The following DISC1 variants were observed in gnomAD, a reference collection of about 807,000 sequenced individuals.
The protein encoded by DISC1 is DISC1 scaffold protein, also known as disrupted in schizophrenia 1 protein.
In DISC1, 57 loss-of-function variants were observed where a neutral mutation model predicts 84.5. The observed-to-expected ratio is 0.67, with a 90% CI of 0.55 to 0.84. DISC1 has a LOEUF of 0.84. DISC1 is among the 40% of genes least tolerant of loss of function. The pLI is 0.00. For missense variants in DISC1, 1,000 were observed against 1,057.8 expected (o/e 0.95, Z 0.76); for synonymous variants, 411 against 415.2 (o/e 0.99, Z 0.12).
intron 4 of DISC1, among the ~76,000 whole-genome samples, chr1:231,757,484 T>C (rs1185305224): frequency 6.6e-6 from 1 of 152,224 alleles, no homozygotes; most frequent in African/African-American, 2.4e-5. Context: ...CACTGTTTAA[T>C]CCTCTGAACT....
At chr1:231,739,588 G>C (rs2072981677) in intron 3 of DISC1, among the ~76,000 whole-genome samples, 1 of 152,204 alleles carries the variant, frequency 6.6e-6, no homozygotes, top group African/African-American at 2.4e-5. Context: ...CACAGGAAGA[G>C]ACGAGAAGGC....
At position 232,031,383 on chromosome 1, in the gene DISC1, G is replaced by A. The variant is rs1423314765; in HGVS notation, c.2425+4831G>A. On this transcript the variant is annotated intron_variant, in intron 12 of 12. Transcript: ENST00000439617. This position sits in a 1 kb window ranked among gnomAD's most constrained non-coding sequence, Gnocchi z 4.6. The stretch of plus-strand genomic sequence containing the variant: ...AGGGAAGGGAGAGGGAAAGGAGAAG[G>A]GAAAGGAAGAGAAGGGAAGAAGGGA... Among the ~76,000 whole-genome samples the A allele has an allele frequency of 6.7e-6, 1 of 150,118 alleles. No homozygotes were observed. The highest frequency in any genetic ancestry group is 2.5e-5 in the African/African-American group (1 of 40,736).
At position 231,832,282 on chromosome 1, in the gene DISC1, C is replaced by T. The variant is rs534964481; in HGVS notation, c.1981+13765C>T. On this transcript the variant is annotated intron_variant, in intron 9 of 12. Transcript: ENST00000439617. Reference sequence around the variant, plus strand: ...AGGGCCTCTAAAAGTATTAAAGCAGCGGCAGCCGCTGCACGCAGACATGAG... The same window carrying T: ...AGGGCCTCTAAAAGTATTAAAGCAGTGGCAGCCGCTGCACGCAGACATGAG... Among the ~76,000 whole-genome samples, 494 of 151,464 alleles carry T rather than the reference C, an allele frequency of 3.3e-3. 4 individuals are homozygous for T. The highest frequency in any genetic ancestry group is 0.011 in the African/African-American group (451 of 41,272).
chr1:231,725,928 C>T (rs993284334), intron 3 of DISC1, among the ~76,000 whole-genome samples: 12 of 151,954 alleles, frequency 7.9e-5, no homozygotes, highest in African/African-American at 2.9e-4. Context: ...TGTAGCCTAG[C>T]ATTGTTAGGG....
intron 8 of DISC1, among the ~76,000 whole-genome samples, chr1:231,813,028 C>T (rs939996793): frequency 6.6e-6 from 1 of 151,874 alleles, no homozygotes; most frequent in Non-Finnish European, 1.5e-5. Flanking sequence ...AAGCCTTATC[C>T]CTCAGGATCA....
chr1:231,755,272 G>A (rs1004098038), intron 4 of DISC1, among the ~76,000 whole-genome samples: 1 of 151,682 alleles, frequency 6.6e-6, no homozygotes, highest in South Asian at 2.1e-4. Flanking sequence ...AACTCCTGGG[G>A]TTAAGCAATT....
chr1:231,856,204 A>T (rs2084259906), intron 9 of DISC1, among the ~76,000 whole-genome samples: 1 of 152,154 alleles, frequency 6.6e-6, no homozygotes, highest in African/African-American at 2.4e-5. Flanking sequence ...GTGTCACAGT[A>T]TATTGGAACA....
intron 9 of DISC1, among the ~76,000 whole-genome samples, chr1:231,847,304 C>G (rs1190018911): frequency 6.6e-6 from 1 of 152,070 alleles, no homozygotes; most frequent in African/African-American, 2.4e-5. Context: ...CTCTTGACCT[C>G]GTTTCAATGT....
intron 9 of DISC1, among the ~76,000 whole-genome samples, chr1:231,957,839 G>A (rs934747189): frequency 2.0e-5 from 3 of 152,100 alleles, no homozygotes; most frequent in Non-Finnish European, 4.4e-5. Flanking sequence ...ACACATACAC[G>A]TTGACTGAAA....
In DISC1 at chr1:231,850,073, G is replaced by GT. The variant is rs113992139; in HGVS notation, c.1981+31563dup. Among the ~76,000 whole-genome samples the GT allele has an allele frequency of 1.1e-4, 16 of 152,232 alleles. 1 individual carries two copies. The highest frequency in any genetic ancestry group is 2.2e-4 in the African/African-American group (9 of 41,544). On this transcript the variant is annotated intron_variant, in intron 9 of 12. Coordinates refer to ENST00000439617, the MANE Select transcript of DISC1 (RefSeq NM_018662.3). ...ATCTTAATTAATCTTGATTTGTGCT[G>GT]TTTTTTTGTGAAAGAGTAAATGCCT...
intron 10 of DISC1, among the ~76,000 whole-genome samples, chr1:232,002,487 G>A (rs2102969794): frequency 6.6e-6 from 1 of 152,094 alleles, no homozygotes; most frequent in Non-Finnish European, 1.5e-5. Flanking sequence ...ATGTCTTTCT[G>A]TGGGTGAATG....
chr1:231,655,304 T>C (rs1244697295), intron 1 of DISC1, among the ~76,000 whole-genome samples: 1 of 152,164 alleles, frequency 6.6e-6, no homozygotes, highest in Non-Finnish European at 1.5e-5. Flanking sequence ...TGTGCCTTTG[T>C]GTATCCATAG....
chr1:231,761,380 C>A (rs990523930), intron 4 of DISC1, among the ~76,000 whole-genome samples: 1 of 152,164 alleles, frequency 6.6e-6, no homozygotes, highest in East Asian at 1.9e-4. Context: ...ACAGAGGAAG[C>A]CTGACTCAGA....
At chr1:231,883,526 G>T (rs1212172821) in intron 9 of DISC1, among the ~76,000 whole-genome samples, 1 of 152,166 alleles carries the variant, frequency 6.6e-6, no homozygotes, top group African/African-American at 2.4e-5. Flanking sequence ...TCCCACATGA[G>T]GAGTCTGTGT....
At position 231,694,162 on chromosome 1, in the gene DISC1, C is replaced by T. The variant is rs773758385; in HGVS notation, c.404C>T (p.Pro135Leu). 5.3e-5 allele frequency: 86 copies of T among 1,614,070 alleles called. 1 individual carries two copies. The highest frequency in any genetic ancestry group is 2.7e-4 in the South Asian group (25 of 91,072). The change falls in exon 2 of 13, where the codon CCG becomes CTG. Residue 135 changes from proline to leucine, a missense_variant. Around this residue, in one of 3 missense-constraint regions of DISC1, gnomAD observed 292 missense variants for 280.2 expected, o/e 1.04. Transcript: ENST00000439617. ...GTRLPDRLSW[P>L]CGPGSAGWQQ... ...AGATTGCCTGACAGGCTTAGCTGGC[C>T]GTGTGGCCCTGGGAGTGCTGGGTGG...
intron 1 of DISC1, among the ~76,000 whole-genome samples, chr1:231,681,524 T>A (rs1025877952): frequency 1.3e-5 from 2 of 152,072 alleles, no homozygotes; most frequent in Non-Finnish European, 2.9e-5. Flanking sequence ...GAACTCCACC[T>A]CCCTGGTGGT....
At chr1:231,991,903 T>C (rs1452370900) in intron 10 of DISC1, among the ~76,000 whole-genome samples, 1 of 152,168 alleles carries the variant, frequency 6.6e-6, no homozygotes, top group Non-Finnish European at 1.5e-5. Flanking sequence ...AATGGAATCA[T>C]AACAGAATTT....
At chr1:231,684,283 G>A (rs555491686) in intron 1 of DISC1, among the ~76,000 whole-genome samples, 123 of 151,996 alleles carry the variant, frequency 8.1e-4, no homozygotes, top group African/African-American at 2.7e-3. Context: ...CTGGGACTAC[G>A]GGGGCATATA....
chr1:231,754,736 A>G (rs2074951949), intron 4 of DISC1, among the ~76,000 whole-genome samples: 1 of 152,262 alleles, frequency 6.6e-6, no homozygotes, highest in African/African-American at 2.4e-5. Context: ...AGGTTACACC[A>G]TAAGGACATC....
Sources: gnomAD v4.1 joint callset for allele counts (sites outside exome capture counted in the v4.1 genomes callset) on GRCh38, gnomAD v4.1.1 for gene constraint, gnomAD v4.1.1 regional missense constraint, Gnocchi (gnomAD v3.1) non-coding constraint, MANE v1.5 for transcripts, NCBI Gene and HGNC (gene_info 2026-07-23, HGNC 2026-07-21) for gene names.